GALNTL6: variants seen among roughly 807,000 people sequenced by gnomAD.
The protein encoded by GALNTL6 is polypeptide N-acetylgalactosaminyltransferase like 6.
GALNTL6 carries 46 observed loss-of-function variants against 73.7 expected under a neutral mutation model. That is an observed-to-expected ratio of 0.62 (90% CI 0.49 to 0.80). GALNTL6 has a LOEUF of 0.80. Ranked by LOEUF, GALNTL6 falls within the 30% of genes least tolerant of loss-of-function variation. The pLI is 0.00. For synonymous variants in GALNTL6, 259 were observed against 263.7 expected, an observed-to-expected ratio of 0.98 and a Z score of 0.17; for missense variants, 604 against 755.0, an observed-to-expected ratio of 0.80 and a Z score of 2.34.
chr4:172,403,671 A>T (rs1744118005), intron 5 of GALNTL6, among the ~76,000 whole-genome samples: 1 of 152,038 alleles, frequency 6.6e-6, no homozygotes. Flanking sequence ...ATTTGCATAG[A>T]CACATATACA....
At chr4:172,018,881 G>A (rs1741302461) in intron 2 of GALNTL6, among the ~76,000 whole-genome samples, 2 of 152,004 alleles carry the variant, frequency 1.3e-5, no homozygotes, top group Admixed American at 1.3e-4. Context: ...GGCTTCCCTG[G>A]GTGCAAGCTG....
intron 2 of GALNTL6, among the ~76,000 whole-genome samples, chr4:171,887,850 T>C (rs1736646507): frequency 6.6e-6 from 1 of 152,100 alleles, no homozygotes. Context: ...GTTTTTCTCA[T>C]TGTCAAACAA....
At chr4:172,214,552 T>A (rs577144314) in intron 2 of GALNTL6, among the ~76,000 whole-genome samples, 1 of 150,910 alleles carries the variant, frequency 6.6e-6, no homozygotes, top group African/African-American at 2.4e-5. Flanking sequence ...GTCTCCTCTG[T>A]CACCCAGGCT....
chr4:171,990,989 C>T (rs147049368), intron 2 of GALNTL6, among the ~76,000 whole-genome samples: 68 of 152,276 alleles, frequency 4.5e-4, no homozygotes, highest in African/African-American at 1.5e-3. Context: ...TCAGAATTTT[C>T]TGCCAAGCTT....
At chr4:172,998,012 T>TC (rs1235274830) in intron 10 of GALNTL6, among the ~76,000 whole-genome samples, 1 of 152,220 alleles carries the variant, frequency 6.6e-6, no homozygotes, top group African/African-American at 2.4e-5. Flanking sequence ...TGTGGGCTCT[T>TC]CTTTCTCTTG....
Position 172,366,571 on chromosome 4 carries a change from C to T in GALNTL6, c.553+17882C>T, listed in dbSNP as rs145388909. Among the ~76,000 whole-genome samples, 705 of 152,142 alleles carry T rather than the reference C, an allele frequency of 4.6e-3. 8 individuals are homozygous for T. Among genetic ancestry groups the T allele is most frequent in the African/African-American group, 0.016 (680 of 41,522 alleles). On this transcript the variant is annotated intron_variant, in intron 5 of 12. Transcript: ENST00000506823. ...CTCAAATACATACTCAGTACATGAA[C>T]GCTGACATCCTTGTAGTAAGATCAA...
At chr4:172,411,648 C>T (rs1440637124) in intron 5 of GALNTL6, among the ~76,000 whole-genome samples, 1 of 150,884 alleles carries the variant, frequency 6.6e-6, no homozygotes, top group Non-Finnish European at 1.5e-5. Flanking sequence ...CTGGAATATA[C>T]AGAAGAGGCT....
At chr4:171,976,071 C>T (rs1356860404) in intron 2 of GALNTL6, among the ~76,000 whole-genome samples, 9 of 152,086 alleles carry the variant, frequency 5.9e-5, no homozygotes, top group Non-Finnish European at 8.8e-5. Context: ...TACAGGGGTG[C>T]GCCACCATGC....
At chr4:172,054,307 A>G (rs1376439295) in intron 2 of GALNTL6, among the ~76,000 whole-genome samples, 2 of 152,202 alleles carry the variant, frequency 1.3e-5, no homozygotes, top group African/African-American at 4.8e-5. Flanking sequence ...CACAATTCAA[A>G]TAGAAATAAT....
At chr4:171,868,183 C>T (rs1444261062) in intron 2 of GALNTL6, among the ~76,000 whole-genome samples, 4 of 151,748 alleles carry the variant, frequency 2.6e-5, no homozygotes, top group Admixed American at 2.0e-4. Context: ...GAGAAAGATT[C>T]TCACTGTGTT....
intron 5 of GALNTL6, among the ~76,000 whole-genome samples, chr4:172,573,351 T>G (rs950810487): frequency 6.6e-6 from 1 of 152,084 alleles, no homozygotes; most frequent in Non-Finnish European, 1.5e-5. Context: ...TTTATAAAGG[T>G]CATTACAGCT....
chr4:172,235,622 T>C (rs1737216574), intron 3 of GALNTL6, among the ~76,000 whole-genome samples: 1 of 152,222 alleles, frequency 6.6e-6, no homozygotes, highest in African/African-American at 2.4e-5. Flanking sequence ...CAGTAACTTT[T>C]TTATTTTTTA....
At chr4:172,769,176 A>G (rs1738614627) in intron 5 of GALNTL6, among the ~76,000 whole-genome samples, 2 of 152,126 alleles carry the variant, frequency 1.3e-5, no homozygotes, top group African/African-American at 4.8e-5. Flanking sequence ...AGGCCTACGG[A>G]GCCACTGAAG....
intron 2 of GALNTL6, among the ~76,000 whole-genome samples, chr4:172,065,733 CG>C (rs1731339760): frequency 6.6e-6 from 1 of 152,068 alleles, no homozygotes; most frequent in South Asian, 2.1e-4. Flanking sequence ...TAAAGAAAAA[CG>C]GTTTAATTGA....
chr4:172,918,254 CAAGGG>C (rs1191349206), intron 8 of GALNTL6, among the ~76,000 whole-genome samples: 9 of 151,858 alleles, frequency 5.9e-5, no homozygotes, highest in Non-Finnish European at 1.3e-4. Context: ...TGGGGGGAGG[CAAGGG>C]ATAGCATTAG....
rs837197 is a variant in GALNTL6 at position 172,665,032 on chromosome 4, C to T, written c.554-144329C>T. ...TTCTCTTTACAGAAAATGTTTGCCACGTACTTACCTAGAAGTACAAATATA... is the reference window on the plus strand; with the variant it reads ...TTCTCTTTACAGAAAATGTTTGCCATGTACTTACCTAGAAGTACAAATATA... On this transcript the variant is annotated intron_variant, in intron 5 of 12. Coordinates refer to ENST00000506823, the MANE Select transcript of GALNTL6 (RefSeq NM_001034845.3). 3.9e-5 allele frequency among the ~76,000 whole-genome samples: 6 copies of T among 152,262 alleles called. No individual in the cohort carries two copies. The East Asian group carries it at 9.7e-4, about 25-fold the overall frequency.
rs538768512 is a variant in GALNTL6 at position 172,395,519 on chromosome 4, A to T, written c.553+46830A>T. ...GTCAACATACAATATTTTTCTCTTG[A>T]ATATATTAGAGTTAATGGCACAGGA... On this transcript the variant is annotated intron_variant, in intron 5 of 12. Coordinates refer to ENST00000506823, the MANE Select transcript of GALNTL6 (RefSeq NM_001034845.3). Among the ~76,000 whole-genome samples the T allele has an allele frequency of 3.4e-3, 517 of 152,102 alleles. 2 individuals are homozygous for T. The highest frequency in any genetic ancestry group is 0.012 in the African/African-American group (480 of 41,514).
intron 3 of GALNTL6, among the ~76,000 whole-genome samples, chr4:172,290,298 A>G (rs1269764228): frequency 2.0e-5 from 3 of 152,192 alleles, no homozygotes; most frequent in Non-Finnish European, 4.4e-5. Flanking sequence ...TATGAGACCG[A>G]ACCATATTTG....
intron 2 of GALNTL6, among the ~76,000 whole-genome samples, chr4:172,082,609 T>C (rs183091897): frequency 7.0e-4 from 106 of 152,164 alleles, no homozygotes; most frequent in African/African-American, 1.3e-3. Flanking sequence ...GCAAGAAAGA[T>C]TGTGGCAGAG....
Sources: allele counts gnomAD v4.1 joint callset (sites outside exome capture counted in the v4.1 genomes callset), GRCh38; gene constraint gnomAD v4.1.1; transcripts MANE v1.5; gene names NCBI Gene and HGNC (gene_info 2026-07-23, HGNC 2026-07-21).